The following FAR2 variants were observed in gnomAD, a reference collection of about 807,000 sequenced individuals.
FAR2 encodes the protein epididymis secretory protein Li 81.
A neutral mutation model predicts 56.0 loss-of-function variants in FAR2; 19 were observed. The ratio of observed to expected loss-of-function variants is 0.34; its 90% CI spans 0.24 to 0.50. FAR2 has a LOEUF of 0.50. FAR2 is among the 20% of genes least tolerant of loss of function. The pLI is 0.98. For missense variants in FAR2, 508 were observed against 642.2 expected, an observed-to-expected ratio of 0.79 and a Z score of 2.26; for synonymous variants, 219 against 218.8, an observed-to-expected ratio of 1.00 and a Z score of -0.01.
chr12:29,255,823 G>A (rs1461068095), intron 1 of FAR2, among the ~76,000 whole-genome samples: 1 of 151,778 alleles, frequency 6.6e-6, no homozygotes, highest in African/African-American at 2.4e-5. Flanking sequence ...TCTTTTTAAA[G>A]TAAGTATTAT....
At chr12:29,284,155 A>G (rs1948832564) in intron 2 of FAR2, among the ~76,000 whole-genome samples, 2 of 152,250 alleles carry the variant, frequency 1.3e-5, no homozygotes, top group African/African-American at 4.8e-5. Flanking sequence ...AACCCTAAGT[A>G]GTAGAAATTA....
intron 1 of FAR2, among the ~76,000 whole-genome samples, chr12:29,234,796 T>C (rs1334392105): frequency 2.0e-5 from 3 of 152,210 alleles, no homozygotes; most frequent in Non-Finnish European, 2.9e-5. Flanking sequence ...GCAGTTCAGA[T>C]ACTCTCTCCT....
chr12:29,296,593 C>G (rs1282444082), intron 3 of FAR2, among the ~76,000 whole-genome samples: 1 of 152,154 alleles, frequency 6.6e-6, no homozygotes, highest in Non-Finnish European at 1.5e-5. Context: ...TGGATCTTTA[C>G]AAGAGCAACT....
intron 9 of FAR2, among the ~76,000 whole-genome samples, chr12:29,319,670 T>C (rs937993771): frequency 6.6e-6 from 1 of 152,214 alleles, no homozygotes; most frequent in Admixed American, 6.5e-5. Context: ...GTCAGGCTTA[T>C]AGGATTTAAA....
At chr12:29,312,443 C>G (rs1949369266) in intron 8 of FAR2, among the ~76,000 whole-genome samples, 1 of 152,072 alleles carries the variant, frequency 6.6e-6, no homozygotes, top group Non-Finnish European at 1.5e-5. Flanking sequence ...TGTGCAATAA[C>G]CACTCCACTA....
At chr12:29,305,182 G>A (rs1949236248) in intron 4 of FAR2, among the ~76,000 whole-genome samples, 1 of 151,916 alleles carries the variant, frequency 6.6e-6, no homozygotes, top group Non-Finnish European at 1.5e-5. Flanking sequence ...CACCCAAGCT[G>A]GAGTATGGTG....
chr12:29,173,409 G>A (rs1428839677), intron 1 of FAR2, among the ~76,000 whole-genome samples: 1 of 152,108 alleles, frequency 6.6e-6, no homozygotes, highest in Non-Finnish European at 1.5e-5. Context: ...TCGTCTAGTG[G>A]GATGTAAATT....
chr12:29,153,117 T>C lies in FAR2; in HGVS notation c.-39+3710T>C, dbSNP rs545822579. Among the ~76,000 whole-genome samples the C allele has an allele frequency of 8.3e-4, 127 of 152,322 alleles. 1 individual carries two copies. Among genetic ancestry groups the C allele is most frequent in the African/African-American group, 2.9e-3 (120 of 41,566 alleles). ...ACTGTGCCAGCTTTTCCACATTTGG[T>C]GTTGAACAAAGCAGATGTGTTCCCT... On this transcript the variant is annotated intron_variant, in intron 1 of 11. Coordinates refer to ENST00000536681, the MANE Select transcript of FAR2 (RefSeq NM_001271783.2).
At chr12:29,326,380 G>A (rs1419736325) in intron 10 of FAR2, among the ~76,000 whole-genome samples, 4 of 152,136 alleles carry the variant, frequency 2.6e-5, no homozygotes, top group African/African-American at 7.2e-5. Flanking sequence ...GAAAAAGAGG[G>A]AATCCTCCCT....
At chr12:29,200,374 C>T (rs576594835) in intron 1 of FAR2, among the ~76,000 whole-genome samples, 29 of 152,170 alleles carry the variant, frequency 1.9e-4, no homozygotes, top group Admixed American at 1.4e-3. Flanking sequence ...GGTGTAGAAA[C>T]GAAGAGAATA....
intron 1 of FAR2, among the ~76,000 whole-genome samples, chr12:29,170,423 G>C (rs1246482520): frequency 6.6e-6 from 1 of 152,216 alleles, no homozygotes; most frequent in Non-Finnish European, 1.5e-5. Context: ...CTATGCCCTT[G>C]TTTACACTGA....
intron 3 of FAR2, 82 bp downstream of exon 3, chr12:29,293,557 ATACACTCT>A: frequency 8.0e-7 from 1 of 1,247,680 alleles, no homozygotes; most frequent in Non-Finnish European, 1.0e-6. Context: ...AAAAAAAGAA[ATACACTCT>A]AAACAAAAAA....
chr12:29,280,668 C>G (rs1948771813), intron 2 of FAR2: 1 of 152,216 alleles, frequency 6.6e-6, no homozygotes, highest in South Asian at 2.1e-4. Context: ...TTGCACTCCA[C>G]AGTCATTCAA....
chr12:29,195,442 G>A (rs935139235), intron 1 of FAR2, among the ~76,000 whole-genome samples: 7 of 152,136 alleles, frequency 4.6e-5, no homozygotes, highest in Non-Finnish European at 5.9e-5. Context: ...GGATAAAAAT[G>A]TATATATTGT....
Position 29,307,815 on chromosome 12 carries a change from A to G in FAR2, c.703A>G (p.Thr235Ala). 1.2e-6 allele frequency: 2 copies of G among 1,610,940 alleles called. No individual in the cohort carries two copies. The highest frequency in any genetic ancestry group is 1.7e-6 in the Non-Finnish European group (2 of 1,179,486). ...CATAAGGCCCTCCATTGTGGGAGCAACTTGGCAGGAGCCTTTCCCAGTAAG... is the reference window on the plus strand; with the variant it reads ...CATAAGGCCCTCCATTGTGGGAGCAGCTTGGCAGGAGCCTTTCCCAGTAAG... ...AIIRPSIVGA[T>A]WQEPFPGWVD... Residue 235 changes from threonine (T) to alanine (A), a missense_variant, in exon 5 of 12, where the codon ACT (threonine) becomes GCT (alanine). Coordinates refer to ENST00000536681, the MANE Select transcript of FAR2 (RefSeq NM_001271783.2).
In FAR2 at chr12:29,246,572, G is replaced by A. The variant is rs537706015; in HGVS notation, c.-38-23840G>A. ...AGATATTTGCCCTATATACAAAACA[G>A]GTCAATAATAAATTGCATCAGCATA... On this transcript the variant is annotated intron_variant, in intron 1 of 11. Coordinates refer to ENST00000536681, the MANE Select transcript of FAR2 (RefSeq NM_001271783.2). Among the ~76,000 whole-genome samples the A allele has an allele frequency of 6.4e-4, 97 of 152,050 alleles. 2 individuals carry two copies. Among genetic ancestry groups the A allele is most frequent in the African/African-American group, 2.2e-3 (93 of 41,498 alleles).
chr12:29,270,649 T>C lies in FAR2; in HGVS notation c.189+11T>C, dbSNP rs1376817707. ...ATCCTAGACAGTAAGGTATGCCTTA[T>C]AGGAAAGCGTGTGTGATGGGCAATG... On this transcript the variant is annotated intron_variant, in intron 2 of 11. Transcript: ENST00000536681. 1.3e-6 allele frequency: 2 copies of C among 1,597,456 alleles called. No individual in the cohort carries two copies. The highest frequency in any genetic ancestry group is 1.7e-5 in the Admixed American group (1 of 59,076).
intron 1 of FAR2, among the ~76,000 whole-genome samples, chr12:29,154,673 T>G (rs1275160862): frequency 6.6e-6 from 1 of 152,150 alleles, no homozygotes; most frequent in African/African-American, 2.4e-5. Context: ...GACCTTGTGA[T>G]CCGCCTGCCT....
intron 10 of FAR2, among the ~76,000 whole-genome samples, chr12:29,324,634 A>G (rs995130975): frequency 3.9e-5 from 6 of 152,234 alleles, no homozygotes; most frequent in Admixed American, 3.9e-4. Context: ...CCAGAATTTC[A>G]TATCCAGCCA....
Sources: allele counts gnomAD v4.1 joint callset (sites outside exome capture counted in the v4.1 genomes callset), GRCh38; gene constraint gnomAD v4.1.1; transcripts MANE v1.5; gene names NCBI Gene and HGNC (gene_info 2026-07-23, HGNC 2026-07-21).